The following PTPRC variants were observed in gnomAD, a reference collection of about 807,000 sequenced individuals.
PTPRC encodes the protein protein tyrosine phosphatase receptor type C.
A neutral mutation model predicts 155.9 loss-of-function variants in PTPRC; 44 were observed. The observed-to-expected ratio is 0.28, with a 90% CI of 0.22 to 0.36. The LOEUF is 0.36. Ranked by LOEUF, PTPRC falls within the 10% of genes least tolerant of loss-of-function variation. PTPRC has a pLI of 1.00. For synonymous variants in PTPRC, 525 were observed against 533.1 expected, an observed-to-expected ratio of 0.98 and a Z score of 0.21; for missense variants, 1,401 against 1,564.6, an observed-to-expected ratio of 0.90 and a Z score of 1.76.
intron 2 of PTPRC, among the ~76,000 whole-genome samples, chr1:198,674,058 A>T (rs746448420): frequency 1.2e-4 from 19 of 152,236 alleles, no homozygotes; most frequent in Non-Finnish European, 2.5e-4. Flanking sequence ...TTCCAAACAA[A>T]TTATCTTATG....
intron 2 of PTPRC, among the ~76,000 whole-genome samples, chr1:198,659,018 A>G (rs1015877103): frequency 6.6e-6 from 1 of 152,138 alleles, no homozygotes; most frequent in Non-Finnish European, 1.5e-5. Flanking sequence ...TCCAGACAAG[A>G]TTTTTCAAAA....
At chr1:198,689,462 A>T (rs1213654465) in intron 2 of PTPRC, among the ~76,000 whole-genome samples, 1 of 152,178 alleles carries the variant, frequency 6.6e-6, no homozygotes, top group Admixed American at 6.5e-5. Context: ...CAAAGTAGTA[A>T]ATCAGAACAA....
chr1:198,691,682 C>T (rs1030147254), intron 2 of PTPRC, among the ~76,000 whole-genome samples: 31 of 151,968 alleles, frequency 2.0e-4, no homozygotes, highest in African/African-American at 6.8e-4. Context: ...AAGATAAATC[C>T]CAGCTTCTTA....
intron 2 of PTPRC, among the ~76,000 whole-genome samples, chr1:198,680,929 C>G (rs1013348078): frequency 1.3e-5 from 2 of 152,066 alleles, no homozygotes; most frequent in Non-Finnish European, 2.9e-5. Flanking sequence ...CACTGTTACT[C>G]TATATTCGAA....
chr1:198,671,189 G>A (rs186332815), intron 2 of PTPRC, among the ~76,000 whole-genome samples: 1 of 151,444 alleles, frequency 6.6e-6, no homozygotes, highest in Admixed American at 6.6e-5. Context: ...CTGCTTTCTT[G>A]CTTGTTCTCC....
At chr1:198,702,319 T>G (rs774596553) in intron 5 of PTPRC, 68 bp from the exon 6 acceptor site, 4 of 1,596,656 alleles carry the variant, frequency 2.5e-6, no homozygotes, top group East Asian at 2.2e-5. Context: ...GTGTTTATGT[T>G]GGCTATCTGG....
chr1:198,733,262 A>T (rs1654480129), intron 20 of PTPRC, among the ~76,000 whole-genome samples: 1 of 151,762 alleles, frequency 6.6e-6, no homozygotes, highest in South Asian at 2.1e-4. Flanking sequence ...TACCAGAAAT[A>T]ACTATATTTT....
intron 2 of PTPRC, among the ~76,000 whole-genome samples, chr1:198,641,778 A>C (rs1385811324): frequency 1.3e-5 from 2 of 152,018 alleles, no homozygotes; most frequent in African/African-American, 4.8e-5. Flanking sequence ...GGAGTATATG[A>C]GTTATGGTAT....
chr1:198,657,839 C>G (rs1166958802), intron 2 of PTPRC: 1 of 152,130 alleles, frequency 6.6e-6, no homozygotes, highest in East Asian at 1.9e-4. Flanking sequence ...AACACAAACA[C>G]ATTTTTTTTA....
intron 3 of PTPRC, chr1:198,693,023 T>A: frequency 1.0e-6 from 1 of 962,924 alleles, no homozygotes; most frequent in Non-Finnish European, 1.2e-6. Context: ...CTGATGTTAC[T>A]GAAAATGTAT....
chr1:198,651,899 T>C (rs1006761643), intron 2 of PTPRC, among the ~76,000 whole-genome samples: 1 of 151,804 alleles, frequency 6.6e-6, no homozygotes, highest in Non-Finnish European at 1.5e-5. Context: ...CATATGATGC[T>C]TCAATGCACA....
chr1:198,704,591 A>C, intron 8 of PTPRC, 93 bp downstream of exon 8: 1 of 1,608,232 alleles, frequency 6.2e-7, no homozygotes, highest in South Asian at 1.1e-5. Context: ...ACCCACTAGT[A>C]AGCTAAACTC....
intron 28 of PTPRC, 101 bp from the exon 29 acceptor site, chr1:198,750,391 G>A: frequency 8.3e-7 from 1 of 1,204,454 alleles, no homozygotes; most frequent in East Asian, 2.3e-5. Context: ...GTATGTAACA[G>A]CATTGATATC....
At chr1:198,743,265 G>A (rs542226536) in intron 25 of PTPRC, among the ~76,000 whole-genome samples, 4 of 151,734 alleles carry the variant, frequency 2.6e-5, no homozygotes, top group East Asian at 3.9e-4. Context: ...AAAACAATGA[G>A]TGAGTAAAGC....
intron 23 of PTPRC, among the ~76,000 whole-genome samples, chr1:198,738,661 T>G (rs192994886): frequency 6.6e-6 from 1 of 151,772 alleles, no homozygotes; most frequent in African/African-American, 2.4e-5. Context: ...ATACTGGCCT[T>G]GCAGAATGAG....
intron 2 of PTPRC, among the ~76,000 whole-genome samples, chr1:198,691,993 A>G (rs1665950694): frequency 1.3e-5 from 2 of 152,106 alleles, no homozygotes; most frequent in South Asian, 4.1e-4. Context: ...TAGGTGCTCA[A>G]TTAATCATCA....
rs564011655 is a variant in PTPRC, at chr1:198,653,459, A to G, written c.73+14118A>G. 2.0e-5 allele frequency among the ~76,000 whole-genome samples: 3 copies of G among 152,034 alleles called. No homozygotes were observed. In the East Asian group the frequency reaches 5.8e-4, roughly 29 times the overall value. On this transcript the variant is annotated intron_variant, in intron 2 of 32. Coordinates refer to ENST00000442510, the MANE Select transcript of PTPRC (RefSeq NM_002838.5). ...TGAAATCTTGATTAAAAAAACAAGA[A>G]ATGATTCACAAATTATTTTACAAAT... is the stretch of plus-strand genomic sequence containing the variant.
chr1:198,695,339 G>C (rs1571842731), intron 3 of PTPRC, among the ~76,000 whole-genome samples: 1 of 133,826 alleles, frequency 7.5e-6, no homozygotes, highest in Admixed American at 7.6e-5. Context: ...ATTATTTTTT[G>C]TTGTGTGATA....
intron 2 of PTPRC, among the ~76,000 whole-genome samples, chr1:198,672,618 C>A (rs572612062): frequency 6.6e-6 from 1 of 151,542 alleles, no homozygotes; most frequent in South Asian, 2.1e-4. Context: ...TACAGGTGCA[C>A]GCCACCATGC....
Sources: gnomAD v4.1 joint callset for allele counts (sites outside exome capture counted in the v4.1 genomes callset) on GRCh38, gnomAD v4.1.1 for gene constraint, MANE v1.5 for transcripts, NCBI Gene and HGNC (gene_info 2026-07-23, HGNC 2026-07-21) for gene names.